The following CSMD1 variants were observed in gnomAD, a reference collection of about 807,000 sequenced individuals.
The protein encoded by CSMD1 is CUB and Sushi multiple domains 1.
A neutral mutation model predicts 417.5 loss-of-function variants in CSMD1; 213 were observed. That is an observed-to-expected ratio of 0.51 (90% CI 0.46 to 0.57). The LOEUF (loss-of-function observed/expected upper bound fraction) is 0.57, where lower values mean the gene tolerates loss of function less well. CSMD1 is among the 20% of genes least tolerant of loss of function. The pLI is 0.00. For missense variants in CSMD1, 6,923 were observed against 4,529.7 expected, an observed-to-expected ratio of 1.53 and a Z score of -15.17; for synonymous variants, 2,862 against 1,736.8, an observed-to-expected ratio of 1.65 and a Z score of -16.11.
intron 1 of CSMD1, among the ~76,000 whole-genome samples, chr8:4,715,948 T>G (rs74913187): frequency 6.6e-6 from 1 of 152,034 alleles, no homozygotes; most frequent in East Asian, 1.9e-4. Context: ...GTAAATCGTC[T>G]TCGTTAAATG....
At chr8:4,347,282 T>G (rs1309317466) in intron 3 of CSMD1, among the ~76,000 whole-genome samples, 1 of 152,110 alleles carries the variant, frequency 6.6e-6, no homozygotes, top group Non-Finnish European at 1.5e-5. Context: ...ACCTTGGCCC[T>G]CTCTAAACAG....
At chr8:3,468,332 G>A (rs139438737) in intron 12 of CSMD1, among the ~76,000 whole-genome samples, 275 of 152,254 alleles carry the variant, frequency 1.8e-3, no homozygotes, top group African/African-American at 6.4e-3. Context: ...ATTTATAATT[G>A]TAAGTATTTT....
chr8:4,594,825 G>C (rs1037074226), intron 2 of CSMD1, among the ~76,000 whole-genome samples: 2 of 152,110 alleles, frequency 1.3e-5, no homozygotes, highest in African/African-American at 4.8e-5. Context: ...CACCTTAATA[G>C]ATAAGTGTCT....
chr8:4,067,660 T>C, intron 3 of CSMD1, among the ~76,000 whole-genome samples: 1 of 152,194 alleles, frequency 6.6e-6, no homozygotes, highest in South Asian at 2.1e-4. Flanking sequence ...AAGAATAAAA[T>C]GCAGTCTCAC....
chr8:4,727,223 C>G (rs961064666), intron 1 of CSMD1, among the ~76,000 whole-genome samples: 1 of 152,164 alleles, frequency 6.6e-6, no homozygotes, highest in East Asian at 1.9e-4. Flanking sequence ...AGAGTCCACT[C>G]AGCAGGGCAC....
chr8:3,463,665 G>T (rs1476866978), intron 12 of CSMD1, among the ~76,000 whole-genome samples: 1 of 152,186 alleles, frequency 6.6e-6, no homozygotes, highest in African/African-American at 2.4e-5. Flanking sequence ...ATTGCACTTG[G>T]ACGCTGTTCA....
intron 3 of CSMD1, among the ~76,000 whole-genome samples, chr8:4,228,474 C>T (rs1801502162): frequency 6.6e-6 from 1 of 152,086 alleles, no homozygotes; most frequent in Admixed American, 6.6e-5. Flanking sequence ...CACACAGCTT[C>T]CACTGTATCC....
intron 25 of CSMD1, among the ~76,000 whole-genome samples, chr8:3,286,164 C>T (rs7830806): frequency 0.48 from 73,450 of 151,862 alleles, 18,295 homozygotes; most frequent in Middle Eastern, 0.62. Flanking sequence ...ACTCATACTT[C>T]TTTATGGCTG....
At chr8:3,655,966 T>G (rs1798080370) in intron 7 of CSMD1, among the ~76,000 whole-genome samples, 1 of 152,146 alleles carries the variant, frequency 6.6e-6, no homozygotes, top group Non-Finnish European at 1.5e-5. Context: ...CTGTCCCACC[T>G]GGCTCAGAAC....
chr8:4,350,394 A>T (rs184110789), intron 3 of CSMD1, among the ~76,000 whole-genome samples: 2 of 152,302 alleles, frequency 1.3e-5, no homozygotes, highest in Non-Finnish European at 2.9e-5. Context: ...AATGAAATGC[A>T]CAGCTATGAT....
At chr8:4,470,507 G>C (rs538313166) in intron 2 of CSMD1, among the ~76,000 whole-genome samples, 1 of 152,126 alleles carries the variant, frequency 6.6e-6, no homozygotes, top group Admixed American at 6.5e-5. Context: ...CATCAAACAC[G>C]GAATTCCTTA....
At chr8:4,128,974 G>A (rs540687817) in intron 3 of CSMD1, among the ~76,000 whole-genome samples, 2 of 151,188 alleles carry the variant, frequency 1.3e-5, no homozygotes, top group East Asian at 2.0e-4. Context: ...TACTTGGGAA[G>A]CTGAGGCAGG....
intron 11 of CSMD1, among the ~76,000 whole-genome samples, chr8:3,484,847 G>C (rs1817934470): frequency 5.3e-5 from 8 of 152,146 alleles, no homozygotes; most frequent in Admixed American, 5.2e-4. Context: ...TTAGCCATCA[G>C]GAAAATGCAA....
chr8:3,508,724 A>T (rs1026956666), intron 10 of CSMD1, among the ~76,000 whole-genome samples: 7 of 152,138 alleles, frequency 4.6e-5, no homozygotes, highest in African/African-American at 1.7e-4. Context: ...ATATTTTAAA[A>T]TTTAAAACAA....
Position 2,936,452 on chromosome 8 carries a change from A to C in CSMD1, c.*2133T>G, listed in dbSNP as rs2128909561. The stretch of plus-strand genomic sequence containing the variant: ...TTCTCCCTTGCACACGAGCCTCCTC[A>C]CACTTTCAATCATCTTCTGTTTCGT... On this transcript the variant is annotated 3_prime_UTR_variant, in exon 70 of 70. Transcript: ENST00000635120. 6.6e-6 allele frequency: 1 copy of C among 151,716 alleles called. No individual in the cohort carries two copies. The highest frequency in any genetic ancestry group is 3.4e-3 in the Middle Eastern group (1 of 294). 9.4% of individuals were successfully genotyped at this position (151,716 alleles called of 1,614,324 possible). A position where few individuals can be genotyped will look rare whatever the true frequency, so the allele number is the denominator to read the frequency against.
At position 4,065,568 on chromosome 8, in the gene CSMD1, C is replaced by G. The variant is rs1352361720; in HGVS notation, c.416-33469G>C. ...CTTGATAGTAGCTAATCTTTTTTCA[C>G]TGCTAAAAGATGTATTCTTGCTCAA... On this transcript the variant is annotated intron_variant, in intron 3 of 69. Transcript: ENST00000635120. Among the ~76,000 whole-genome samples the G allele has an allele frequency of 6.8e-5, 10 of 146,928 alleles. 1 individual carries two copies. Among genetic ancestry groups the G allele is most frequent in the African/African-American group, 2.5e-4 (10 of 39,838 alleles).
chr8:3,213,420 T>C (rs35439630), intron 30 of CSMD1, among the ~76,000 whole-genome samples: 39,279 of 152,040 alleles, frequency 0.26, 5,394 homozygotes, highest in Non-Finnish European at 0.32. Context: ...TAGGTGAAGA[T>C]ATGCACCCTG....
At chr8:3,821,937 T>G (rs564922514) in intron 5 of CSMD1, among the ~76,000 whole-genome samples, 1 of 151,866 alleles carries the variant, frequency 6.6e-6, no homozygotes, top group South Asian at 2.1e-4. Context: ...CATGGAGAGG[T>G]TTTCCTACAT....
chr8:3,027,523 A>G (rs903630481), intron 51 of CSMD1, among the ~76,000 whole-genome samples: 3 of 152,236 alleles, frequency 2.0e-5, no homozygotes, highest in African/African-American at 7.2e-5. Flanking sequence ...AAAGTCAACA[A>G]TGATTTCAGC....
Sources: gnomAD v4.1 joint callset for allele counts (sites outside exome capture counted in the v4.1 genomes callset) on GRCh38, gnomAD v4.1.1 for gene constraint, MANE v1.5 for transcripts, NCBI Gene and HGNC (gene_info 2026-07-23, HGNC 2026-07-21) for gene names.